Variants in HACD2 observed in about 807,000 individuals in gnomAD.
HACD2 encodes the protein 3-hydroxyacyl-CoA dehydratase 2, also known as very-long-chain (3R)-3-hydroxyacyl-CoA dehydratase 2.
In HACD2, 15 loss-of-function variants were observed where a neutral mutation model predicts 31.0. That is an observed-to-expected ratio of 0.48 (90% CI 0.32 to 0.75). HACD2 has a LOEUF of 0.75. Among genes scored for constraint, HACD2 ranks in the 30% least tolerant of loss-of-function variants. HACD2 has a pLI of 0.03. For synonymous variants in HACD2, 115 were observed against 122.2 expected, an observed-to-expected ratio of 0.94 and a Z score of 0.39; for missense variants, 283 against 313.0, an observed-to-expected ratio of 0.90 and a Z score of 0.72.
intron 4 of HACD2, among the ~76,000 whole-genome samples, chr3:123,523,076 G>A (rs1011906594): frequency 6.6e-6 from 1 of 152,112 alleles, no homozygotes; most frequent in Non-Finnish European, 1.5e-5. Context: ...GAAGGCGTGC[G>A]GCCACAGGAG....
chr3:123,543,599 T>G lies in HACD2; in HGVS notation c.293-15125A>C, dbSNP rs548025691. The stretch of plus-strand genomic sequence containing the variant: ...GTGAATGAATTACTTATTAAAAAAA[T>G]AAACTCATTTAAAGTGTCACTATAA... On this transcript the variant is annotated intron_variant, in intron 3 of 6. Transcript: ENST00000383657. 11 of 315,500 alleles carry G rather than the reference T, an allele frequency of 3.5e-5. No homozygotes were observed. The East Asian group carries it at 1.1e-3, about 31-fold the overall frequency. The allele number at this position is 315,500 out of a possible 1,614,324, so 19.5% of individuals were successfully genotyped here.
At chr3:123,509,057 G>A (rs2056016324) in intron 4 of HACD2, among the ~76,000 whole-genome samples, 1 of 152,112 alleles carries the variant, frequency 6.6e-6, no homozygotes, top group Admixed American at 6.6e-5. Flanking sequence ...AGGGCTTCAA[G>A]GTATGAATTT....
chr3:123,514,046 G>A (rs1200536583), intron 4 of HACD2, among the ~76,000 whole-genome samples: 15 of 152,146 alleles, frequency 9.9e-5, no homozygotes, highest in Non-Finnish European at 1.9e-4. Flanking sequence ...AAGCTGAGGC[G>A]GGCGGATTGC....
intron 3 of HACD2, among the ~76,000 whole-genome samples, chr3:123,556,921 G>T (rs1218742783): frequency 6.6e-6 from 1 of 152,216 alleles, no homozygotes; most frequent in Non-Finnish European, 1.5e-5. Flanking sequence ...TAGAATGTCT[G>T]AAGTCCAACA....
chr3:123,579,588 T>C (rs2056944139), intron 2 of HACD2, among the ~76,000 whole-genome samples: 2 of 152,202 alleles, frequency 1.3e-5, no homozygotes, highest in African/African-American at 2.4e-5. Flanking sequence ...GCTGGGACTA[T>C]AAGCATGAGC....
At position 123,500,382 on chromosome 3, in the gene HACD2, A is replaced by G. The variant is rs1017091135; in HGVS notation, c.682+133T>C. The G allele has an allele frequency of 1.5e-5, 10 of 673,240 alleles. No individual in the cohort carries two copies. In the African/African-American group the frequency reaches 1.8e-4, roughly 12 times the overall value. 41.7% of individuals were successfully genotyped at this position (673,240 alleles called of 1,614,324 possible). A position where few individuals can be genotyped will look rare whatever the true frequency, so the allele number is the denominator to read the frequency against. On this transcript the variant is annotated intron_variant, in intron 6 of 6. Transcript: ENST00000383657. ...AATTCCTTTTGATAGTCAGCATTCA[A>G]TAAAAACCAAGAATTCCCAATAAAT...
intron 3 of HACD2, among the ~76,000 whole-genome samples, chr3:123,531,504 G>A (rs1055913673): frequency 6.6e-6 from 1 of 151,982 alleles, no homozygotes; most frequent in Non-Finnish European, 1.5e-5. Context: ...ATTTTTGTTA[G>A]AGGCGGAGTT....
chr3:123,500,424 T>C (rs901024398), intron 6 of HACD2, 91 bp downstream of exon 6: 3 of 785,954 alleles, frequency 3.8e-6, no homozygotes, highest in Admixed American at 6.4e-5. Context: ...TACATTTACT[T>C]GGATATAGTG....
intron 2 of HACD2, among the ~76,000 whole-genome samples, chr3:123,576,044 T>C (rs2107757522): frequency 6.6e-6 from 1 of 152,304 alleles, no homozygotes; most frequent in Admixed American, 6.5e-5. Context: ...ATTGGTTCTA[T>C]ATATATTGTT....
rs1405745898 is a variant in HACD2, at chr3:123,563,638, TATATATACAC to T, written c.292+4114_292+4123del. 5.9e-3 allele frequency among the ~76,000 whole-genome samples: 454 copies of T among 76,688 alleles called. 3 individuals carry two copies. The highest frequency in any genetic ancestry group is 0.037 in the African/African-American group (441 of 11,954). 50.3% of individuals were successfully genotyped at this position (76,688 alleles called of 152,430 possible). A position where few individuals can be genotyped will look rare whatever the true frequency, so the allele number is the denominator to read the frequency against. ...CTTCTTTTTTGAATTGACAAAAAAA[TATATATACAC>T]ACACACACACACACACACACACACA... On this transcript the variant is annotated intron_variant, in intron 3 of 6. Coordinates refer to ENST00000383657, the MANE Select transcript of HACD2 (RefSeq NM_198402.5).
chr3:123,535,749 A>G (rs2056418154), intron 3 of HACD2, among the ~76,000 whole-genome samples: 1 of 152,232 alleles, frequency 6.6e-6, no homozygotes, highest in South Asian at 2.1e-4. Context: ...TCGGAGACTG[A>G]TATAAAATTC....
intron 3 of HACD2, among the ~76,000 whole-genome samples, chr3:123,538,742 A>T (rs981478055): frequency 4.6e-5 from 7 of 152,246 alleles, no homozygotes; most frequent in African/African-American, 1.4e-4. Flanking sequence ...CGATGTGAGT[A>T]TGTGCACCAG....
At chr3:123,577,411 G>C (rs2056918724) in intron 2 of HACD2, among the ~76,000 whole-genome samples, 2 of 152,038 alleles carry the variant, frequency 1.3e-5, no homozygotes, top group African/African-American at 4.8e-5. Context: ...CATGAGGTCA[G>C]GAGATCGAGA....
chr3:123,512,930 A>G (rs2056082449), intron 4 of HACD2, among the ~76,000 whole-genome samples: 2 of 152,152 alleles, frequency 1.3e-5, no homozygotes, highest in Admixed American at 1.3e-4. Flanking sequence ...CACCTCATCT[A>G]CCCAGATCCT....
At chr3:123,549,259 T>A (rs1373112185) in intron 3 of HACD2, among the ~76,000 whole-genome samples, 1 of 152,150 alleles carries the variant, frequency 6.6e-6, no homozygotes, top group Non-Finnish European at 1.5e-5. Context: ...GGTGCTAATC[T>A]GCCATTATTT....
intron 3 of HACD2, among the ~76,000 whole-genome samples, chr3:123,544,640 TA>T: frequency 6.6e-6 from 1 of 152,300 alleles, no homozygotes; most frequent in East Asian, 1.9e-4. Flanking sequence ...ATAATGGAAA[TA>T]AAATGTTAAC....
At chr3:123,546,118 G>A (rs745432224) in intron 3 of HACD2, among the ~76,000 whole-genome samples, 22 of 152,038 alleles carry the variant, frequency 1.4e-4, no homozygotes, top group Non-Finnish European at 2.6e-4. Context: ...ACAAGATCAC[G>A]TACAAGATCA....
At chr3:123,498,202 A>G (rs1357873134) in intron 6 of HACD2, among the ~76,000 whole-genome samples, 1 of 152,224 alleles carries the variant, frequency 6.6e-6, no homozygotes, top group African/African-American at 2.4e-5. Flanking sequence ...TGAGGAGTCA[A>G]TGGTTTGCAG....
At chr3:123,583,482 C>G (rs1313472367) in intron 1 of HACD2, among the ~76,000 whole-genome samples, 1 of 152,012 alleles carries the variant, frequency 6.6e-6, no homozygotes, top group East Asian at 1.9e-4. Flanking sequence ...AAGCTTGTAT[C>G]TGTACTAGTT....
Sources: gnomAD v4.1 joint callset for allele counts (sites outside exome capture counted in the v4.1 genomes callset) on GRCh38, gnomAD v4.1.1 for gene constraint, MANE v1.5 for transcripts, NCBI Gene and HGNC (gene_info 2026-07-23, HGNC 2026-07-21) for gene names.